Variants in NPAS3 observed in about 807,000 individuals in gnomAD.
The protein encoded by NPAS3 is neuronal PAS domain protein 3, also known as neuronal PAS domain-containing protein 3.
A neutral mutation model predicts 73.1 loss-of-function variants in NPAS3; 14 were observed. That is an observed-to-expected ratio of 0.19 (90% confidence interval 0.13 to 0.30). The LOEUF (loss-of-function observed/expected upper bound fraction) is 0.30. NPAS3 is among the 10% of genes least tolerant of loss of function. The pLI is 1.00. For missense variants in NPAS3, 1,096 were observed against 1,250.0 expected, an observed-to-expected ratio of 0.88 and a Z score of 1.86; for synonymous variants, 620 against 541.5, an observed-to-expected ratio of 1.14 and a Z score of -2.01.
intron 3 of NPAS3, among the ~76,000 whole-genome samples, chr14:33,251,555 C>T (rs758243138): frequency 5.3e-5 from 8 of 152,038 alleles, no homozygotes; most frequent in Non-Finnish European, 1.2e-4. Context: ...TCATCTGCGT[C>T]CTTAATCCAA....
chr14:33,113,384 G>A lies in NPAS3; in HGVS notation c.140+57390G>A, dbSNP rs931182747. On this transcript the variant is annotated intron_variant, in intron 2 of 11. Transcript: ENST00000356141. ...AGTTCTCCTTGAAGAGGTCCTTCAC[G>A]TCCCTTGTAAGTTGGATTCCTAGGT... 5.9e-4 allele frequency among the ~76,000 whole-genome samples: 90 copies of A among 152,120 alleles called. 1 individual carries two copies. Among genetic ancestry groups the A allele is most frequent in the African/African-American group, 1.9e-3 (78 of 41,500 alleles).
chr14:33,284,961 C>A (rs959931294), intron 3 of NPAS3, among the ~76,000 whole-genome samples: 1 of 152,164 alleles, frequency 6.6e-6, no homozygotes, highest in Non-Finnish European at 1.5e-5. Flanking sequence ...ACGCTGTAAC[C>A]ACTATGCTAG....
chr14:33,783,768 G>C (rs1034479226), intron 9 of NPAS3, among the ~76,000 whole-genome samples: 1 of 152,058 alleles, frequency 6.6e-6, no homozygotes, highest in African/African-American at 2.4e-5. Flanking sequence ...CACCCCCTGG[G>C]AACTCAGAGA....
chr14:33,715,517 G>A (rs1376984530), intron 6 of NPAS3, among the ~76,000 whole-genome samples: 2 of 152,042 alleles, frequency 1.3e-5, no homozygotes, highest in Non-Finnish European at 2.9e-5. Context: ...CTGGGAGGTC[G>A]CTTACTCTCC....
intron 4 of NPAS3, among the ~76,000 whole-genome samples, chr14:33,451,148 A>C (rs371816586): frequency 6.6e-6 from 1 of 152,218 alleles, no homozygotes; most frequent in Non-Finnish European, 1.5e-5. Flanking sequence ...TCTCTGGCAC[A>C]TAAAAAATAC....
chr14:33,473,986 A>G (rs2050905876), intron 4 of NPAS3, among the ~76,000 whole-genome samples: 1 of 152,188 alleles, frequency 6.6e-6, no homozygotes, highest in South Asian at 2.1e-4. Context: ...ATATGGTACT[A>G]TTCAAGGAAT....
At chr14:33,592,221 G>T (rs1387841528) in intron 5 of NPAS3, among the ~76,000 whole-genome samples, 1 of 152,128 alleles carries the variant, frequency 6.6e-6, no homozygotes, top group Non-Finnish European at 1.5e-5. Context: ...CCTCCTTCCA[G>T]TGTTTTTTCT....
intron 6 of NPAS3, among the ~76,000 whole-genome samples, chr14:33,698,186 G>A (rs146777280): frequency 1.3e-5 from 2 of 152,256 alleles, no homozygotes; most frequent in African/African-American, 4.8e-5. Context: ...CACAGGGCTA[G>A]GAAAGATAAC....
intron 1 of NPAS3, among the ~76,000 whole-genome samples, chr14:33,031,506 T>G (rs2039988236): frequency 6.6e-6 from 1 of 152,188 alleles, no homozygotes; most frequent in Non-Finnish European, 1.5e-5. Context: ...TTGTTTGTTT[T>G]TTTAGAGACA....
intron 3 of NPAS3, among the ~76,000 whole-genome samples, chr14:33,259,273 A>G (rs770586984): frequency 1.3e-5 from 2 of 152,254 alleles, no homozygotes; most frequent in South Asian, 2.1e-4. Flanking sequence ...ATGATTTTTT[A>G]TCTCCTTCCG....
At chr14:33,072,097 G>A (rs555346389) in intron 2 of NPAS3, among the ~76,000 whole-genome samples, 23 of 152,196 alleles carry the variant, frequency 1.5e-4, no homozygotes, top group Admixed American at 1.4e-3. Flanking sequence ...CACCAAGTTG[G>A]ACAGTCTGGT....
chr14:33,667,310 C>T (rs1488955617), intron 5 of NPAS3, among the ~76,000 whole-genome samples: 1 of 152,150 alleles, frequency 6.6e-6, no homozygotes, highest in East Asian at 1.9e-4. Context: ...GCCTGAAACT[C>T]CTGAAATAAA....
chr14:33,002,064 C>T (rs2038827650), intron 1 of NPAS3, among the ~76,000 whole-genome samples: 1 of 152,188 alleles, frequency 6.6e-6, no homozygotes, highest in African/African-American at 2.4e-5. Flanking sequence ...ATGTATAACT[C>T]ATGAAACCTC....
At position 33,365,201 on chromosome 14, in the gene NPAS3, C is replaced by CAAAAAAAAAAAA. The variant is rs371230319; in HGVS notation, c.386-1975_386-1964dup. On this transcript the variant is annotated intron_variant, in intron 3 of 11. Coordinates refer to ENST00000356141, the Ensembl canonical transcript of NPAS3. The stretch of plus-strand genomic sequence containing the variant: ...CAAAAGCCACCCACCCCCATAATCT[C>CAAAAAAAAAAAA]AAAAAAAAAAAAAAAAAAAAAGGCT... Among the ~76,000 whole-genome samples, 14 of 45,074 alleles carry CAAAAAAAAAAAA rather than the reference C, an allele frequency of 3.1e-4. 2 individuals carry two copies. Among genetic ancestry groups the CAAAAAAAAAAAA allele is most frequent in the African/African-American group, 1.5e-3 (14 of 9,330 alleles). The allele number at this position is 45,074 out of a possible 152,430, so 29.6% of individuals were successfully genotyped here.
rs535142144 is a variant in NPAS3, at chr14:33,591,416, G to T, written c.558+31206G>T. 3.9e-5 allele frequency among the ~76,000 whole-genome samples: 6 copies of T among 152,290 alleles called. No homozygotes were observed. The East Asian group carries it at 9.7e-4, about 25-fold the overall frequency. On this transcript the variant is annotated intron_variant, in intron 5 of 11. Transcript: ENST00000356141. Reference sequence around the variant, plus strand: ...AGAGTGGAAAAGCCATTTGTCTTGGGAAGTGCAGAGACCATTTGTCTTGGG... The same window carrying T: ...AGAGTGGAAAAGCCATTTGTCTTGGTAAGTGCAGAGACCATTTGTCTTGGG...
intron 4 of NPAS3, among the ~76,000 whole-genome samples, chr14:33,474,974 T>A (rs2050952614): frequency 6.6e-6 from 1 of 152,100 alleles, no homozygotes; most frequent in Non-Finnish European, 1.5e-5. Context: ...CTCAGAGAGA[T>A]TAAGTAGTTT....
At chr14:32,936,351 T>A (rs545097336), upstream of NPAS3, among the ~76,000 whole-genome samples, 35 of 152,206 alleles carry the variant, frequency 2.3e-4, 1 homozygote, top group South Asian at 7.3e-3. Flanking sequence ...AAAAAGGGGC[T>A]ATTCCTTGTC....
At chr14:33,113,153 C>T (rs2042951789) in intron 2 of NPAS3, among the ~76,000 whole-genome samples, 1 of 152,076 alleles carries the variant, frequency 6.6e-6, no homozygotes, top group African/African-American at 2.4e-5. Context: ...AATGCAGGCT[C>T]TTTTTTGGTT....
intron 2 of NPAS3, among the ~76,000 whole-genome samples, chr14:33,063,048 C>T (rs1166713936): frequency 2.0e-5 from 3 of 152,170 alleles, no homozygotes; most frequent in African/African-American, 7.2e-5. Context: ...GGAAATGGAT[C>T]TGGCTTTGAT....
Sources: gnomAD v4.1 joint callset for allele counts (sites outside exome capture counted in the v4.1 genomes callset) on GRCh38, gnomAD v4.1.1 for gene constraint, MANE v1.5 for transcripts, NCBI Gene and HGNC (gene_info 2026-07-23, HGNC 2026-07-21) for gene names.